WDR70: variants seen among roughly 807,000 people sequenced by gnomAD.
WDR70 encodes WD repeat-containing protein 70.
WDR70 carries 53 observed loss-of-function variants against 88.6 expected under a neutral mutation model. That is an observed-to-expected ratio of 0.60 (90% confidence interval 0.48 to 0.75). WDR70 has a LOEUF of 0.75. Among genes scored for constraint, WDR70 ranks in the 30% least tolerant of loss-of-function variants. The pLI is 0.00. For synonymous variants in WDR70, 280 were observed against 270.0 expected, an observed-to-expected ratio of 1.04 and a Z score of -0.36; for missense variants, 610 against 823.2, an observed-to-expected ratio of 0.74 and a Z score of 3.17.
chr5:37,682,605 C>T (rs1201826194), intron 10 of WDR70, among the ~76,000 whole-genome samples: 2 of 152,102 alleles, frequency 1.3e-5, no homozygotes, highest in Non-Finnish European at 2.9e-5. Flanking sequence ...TTAGCTGTGT[C>T]CCAGAGATTC....
At chr5:37,511,316 G>C (rs1367996505) in intron 8 of WDR70, among the ~76,000 whole-genome samples, 1 of 152,042 alleles carries the variant, frequency 6.6e-6, no homozygotes, top group Non-Finnish European at 1.5e-5. Context: ...TTAGTGAATG[G>C]TTTATAATTC....
At chr5:37,729,887 C>G (rs1748095014) in intron 17 of WDR70, among the ~76,000 whole-genome samples, 1 of 152,094 alleles carries the variant, frequency 6.6e-6, no homozygotes, top group African/African-American at 2.4e-5. Context: ...TCCCAGTCCC[C>G]CTTTTTTTCA....
chr5:37,566,114 G>A (rs1013081001), intron 9 of WDR70, among the ~76,000 whole-genome samples: 2 of 151,896 alleles, frequency 1.3e-5, no homozygotes, highest in African/African-American at 2.4e-5. Flanking sequence ...GCAGTCACAC[G>A]CCATTTTCCC....
chr5:37,671,918 CT>C (rs1258950491), intron 10 of WDR70, among the ~76,000 whole-genome samples: 78 of 152,110 alleles, frequency 5.1e-4, no homozygotes, highest in Non-Finnish European at 4.4e-5. Flanking sequence ...AGAGATCAGA[CT>C]GTTACTGTGT....
At chr5:37,557,547 T>G (rs967443294) in intron 9 of WDR70, among the ~76,000 whole-genome samples, 2 of 152,110 alleles carry the variant, frequency 1.3e-5, no homozygotes, top group African/African-American at 4.8e-5. Flanking sequence ...GAGCCTTCCT[T>G]TTTTCTTCTC....
At chr5:37,478,861 GA>G (rs1319491306) in intron 7 of WDR70, among the ~76,000 whole-genome samples, 1 of 152,176 alleles carries the variant, frequency 6.6e-6, no homozygotes, top group African/African-American at 2.4e-5. Context: ...TTTGAAGGGG[GA>G]GTTCTGGGTA....
chr5:37,526,211 G>A (rs1431932195), intron 9 of WDR70, among the ~76,000 whole-genome samples: 2 of 152,110 alleles, frequency 1.3e-5, no homozygotes, highest in South Asian at 2.1e-4. Flanking sequence ...TATCCCTGAT[G>A]AACATCAATG....
At chr5:37,477,918 T>C (rs1250395375) in intron 7 of WDR70, among the ~76,000 whole-genome samples, 1 of 152,152 alleles carries the variant, frequency 6.6e-6, no homozygotes, top group African/African-American at 2.4e-5. Context: ...ATTGCCCATA[T>C]CCCCTGGGAC....
chr5:37,678,128 T>C (rs1366310393), intron 10 of WDR70, among the ~76,000 whole-genome samples: 1 of 152,200 alleles, frequency 6.6e-6, no homozygotes, highest in Non-Finnish European at 1.5e-5. Context: ...TATGTGTCTC[T>C]GCACGTGAGA....
chr5:37,457,336 T>A (rs1277942177), intron 7 of WDR70, among the ~76,000 whole-genome samples: 2 of 152,192 alleles, frequency 1.3e-5, no homozygotes, highest in Admixed American at 6.5e-5. Context: ...CCTCAAGTGA[T>A]CCACCCGCCT....
At chr5:37,542,277 CTTCTTT>C (rs1741843517) in intron 9 of WDR70, among the ~76,000 whole-genome samples, 1 of 147,754 alleles carries the variant, frequency 6.8e-6, no homozygotes, top group Admixed American at 6.7e-5. Flanking sequence ...TCTTCTTCTT[CTTCTTT>C]TTTTTTTTTT....
At chr5:37,651,825 T>A (rs1241787710) in intron 10 of WDR70, among the ~76,000 whole-genome samples, 3 of 152,174 alleles carry the variant, frequency 2.0e-5, no homozygotes, top group Non-Finnish European at 2.9e-5. Context: ...TTCTTGTAAA[T>A]TTGTTTAAGT....
At chr5:37,556,219 C>G (rs553191262) in intron 9 of WDR70, among the ~76,000 whole-genome samples, 10 of 151,290 alleles carry the variant, frequency 6.6e-5, no homozygotes, top group Non-Finnish European at 1.3e-4. Context: ...AATAGTCCCA[C>G]TTTCCAAAGA....
chr5:37,704,169 G>A (rs527702482), intron 13 of WDR70, among the ~76,000 whole-genome samples: 171 of 152,266 alleles, frequency 1.1e-3, no homozygotes, highest in African/African-American at 4.0e-3. Flanking sequence ...ATCTCATGAC[G>A]TAATTTGAAA....
At chr5:37,500,110 C>A (rs1226670125) in intron 8 of WDR70, among the ~76,000 whole-genome samples, 1 of 152,128 alleles carries the variant, frequency 6.6e-6, no homozygotes, top group African/African-American at 2.4e-5. Flanking sequence ...TTAGGCCCTT[C>A]TGAGTTTCCA....
intron 7 of WDR70, among the ~76,000 whole-genome samples, chr5:37,446,917 A>G (rs1040991506): frequency 5.9e-5 from 9 of 152,356 alleles, no homozygotes; most frequent in Admixed American, 5.9e-4. Flanking sequence ...AAGCAATGGT[A>G]ACAAAAGCCA....
chr5:37,699,360 A>T (rs868105105), intron 11 of WDR70, among the ~76,000 whole-genome samples: 7 of 125,948 alleles, frequency 5.6e-5, no homozygotes, highest in African/African-American at 9.5e-5. Context: ...ACACACACAC[A>T]GTGTGTGTGT....
intron 9 of WDR70, among the ~76,000 whole-genome samples, chr5:37,529,325 A>G (rs1741409578): frequency 6.6e-6 from 1 of 151,846 alleles, no homozygotes; most frequent in African/African-American, 2.4e-5. Context: ...GTTCCCTATG[A>G]ATTTTGAGGT....
intron 17 of WDR70, among the ~76,000 whole-genome samples, chr5:37,744,606 G>A (rs1480293744): frequency 6.6e-6 from 1 of 151,894 alleles, no homozygotes; most frequent in Non-Finnish European, 1.5e-5. Context: ...TGATGGAGCT[G>A]AAAAACACAG....
Sources: gnomAD v4.1 joint callset for allele counts (sites outside exome capture counted in the v4.1 genomes callset) on GRCh38, gnomAD v4.1.1 for gene constraint, MANE v1.5 for transcripts, NCBI Gene and HGNC (gene_info 2026-07-23, HGNC 2026-07-21) for gene names.